HCRT: variants seen among roughly 807,000 people sequenced by gnomAD.
The protein encoded by HCRT is hypocretin neuropeptide precursor, also known as hypocretin (orexin) neuropeptide.
Under a neutral mutation model 5.7 loss-of-function variants are expected in HCRT, and 5 were observed. The observed-to-expected ratio is 0.87, with a 90% CI of 0.45 to 1.83. The LOEUF is 1.83. Ranked by LOEUF, HCRT falls within the 40% of genes most tolerant of loss-of-function variation. HCRT has a pLI of 0.02. For missense variants in HCRT, 207 were observed against 191.8 expected, an observed-to-expected ratio of 1.08 and a Z score of -0.47; for synonymous variants, 114 against 99.0, an observed-to-expected ratio of 1.15 and a Z score of -0.90.
At chr17:42,185,012 T>C (rs2079926194) in intron 1 of HCRT, among the ~76,000 whole-genome samples, 1 of 152,202 alleles carries the variant, frequency 6.6e-6, no homozygotes, top group Non-Finnish European at 1.5e-5. Context: ...CTCCGTTGCT[T>C]TGAACCAGTT....
At chr17:42,185,119 T>C (rs1013245714) in intron 1 of HCRT, among the ~76,000 whole-genome samples, 1 of 152,158 alleles carries the variant, frequency 6.6e-6, no homozygotes, top group African/African-American at 2.4e-5. Context: ...TGACAAGAGA[T>C]GACAGGTGCA....
At position 42,184,061 on chromosome 17, in the gene HCRT, A is replaced by AT; in HGVS notation, c.*92dup. The AT allele has an allele frequency of 8.3e-7, 1 of 1,205,234 alleles. No homozygotes were observed. Among genetic ancestry groups the AT allele is most frequent in the Non-Finnish European group, 1.0e-6 (1 of 966,570 alleles). 74.7% of individuals were successfully genotyped at this position (1,205,234 alleles called of 1,614,324 possible). A position where few individuals can be genotyped will look rare whatever the true frequency, so the allele number is the denominator to read the frequency against. On this transcript the variant is annotated 3_prime_UTR_variant, in exon 2 of 2. Coordinates refer to ENST00000293330, the MANE Select transcript of HCRT (RefSeq NM_001524.1). ...ACAGGAACAGAGACCAGTCACACGA[A>AT]TGGAGACTCGTCTTTATTGCCTTTT...
chr17:42,185,441 C>T lies in HCRT; in HGVS notation c.-76G>A. The T allele has an allele frequency of 6.9e-7, 1 of 1,448,582 alleles. No individual in the cohort carries two copies. 89.7% of individuals were successfully genotyped at this position (1,448,582 alleles called of 1,614,324 possible). On this transcript the variant is annotated 5_prime_UTR_variant, in exon 1 of 2. Coordinates refer to ENST00000293330, the MANE Select transcript of HCRT (RefSeq NM_001524.1). Reference sequence around the variant, plus strand: ...GTTCAAAAAGCCAGGAACCTTGAGGCTGTCAATTGTGACCCACTCCCAGGG... The same window carrying T: ...GTTCAAAAAGCCAGGAACCTTGAGGTTGTCAATTGTGACCCACTCCCAGGG...
chr17:42,184,385 G>A lies in HCRT; in HGVS notation c.165C>T (p.Gly55=). ...GGATGCCGGCCGCGTGATTGCCCGCGCCGTGCAGCAGCTCGTAGAGGCGGC... is the reference window on the plus strand; with the variant it reads ...GGATGCCGGCCGCGTGATTGCCCGCACCGTGCAGCAGCTCGTAGAGGCGGC... ...CSCRLYELLH[G]AGNHAAGILT... is the part of the protein sequence containing the mutation. Residue 55 remains glycine (G), a synonymous_variant, in exon 2 of 2, where the codon GGC becomes GGT. Coordinates refer to ENST00000293330, the MANE Select transcript of HCRT (RefSeq NM_001524.1). The A allele has an allele frequency of 4.4e-6, 7 of 1,599,114 alleles. No homozygotes were observed. The highest frequency in any genetic ancestry group is 5.9e-6 in the Non-Finnish European group (7 of 1,176,786).
chr17:42,184,206 C>T lies in HCRT; in HGVS notation c.344G>A (p.Cys115Tyr), dbSNP rs565917657. 63 of 1,303,724 alleles carry T rather than the reference C, an allele frequency of 4.8e-5. No individual in the cohort carries two copies. The highest frequency in any genetic ancestry group is 1.3e-4 in the Admixed American group (3 of 23,854). 80.8% of individuals were successfully genotyped at this position (1,303,724 alleles called of 1,614,324 possible). ...PAPRPCLGRRCSAPAAASVAP... is the reference protein window; with the variant it reads ...PAPRPCLGRRYSAPAAASVAP... ...GACGGAGGCGGCGGCCGGGGCGGAA[C>T]AGCGGCGCCCGAGGCAGGGGCGCGG... is the stretch of plus-strand genomic sequence containing the variant. The change falls in exon 2 of 2, where the codon TGT (cysteine) becomes TAT (tyrosine). Residue 115 changes from cysteine to tyrosine, a missense_variant. By Grantham distance (194) the Cys-to-Tyr change is radical. Transcript: ENST00000293330.
chr17:42,184,753 C>A (rs1047667375), intron 1 of HCRT, among the ~76,000 whole-genome samples: 4 of 152,214 alleles, frequency 2.6e-5, no homozygotes, highest in African/African-American at 4.8e-5. Context: ...CCTTTTGAGA[C>A]CCCCTGGGCA....
In HCRT at chr17:42,185,406, G is replaced by A; in HGVS notation, c.-41C>T. On this transcript the variant is annotated 5_prime_UTR_variant, in exon 1 of 2. Transcript: ENST00000293330. ...GGGTGGGGTAGCCGGGAAAGGAGAT[G>A]TCTGTGGTGGTTCAAAAAGCCAGGA... 1 of 1,607,928 alleles carries A rather than the reference G, an allele frequency of 6.2e-7. No individual in the cohort carries two copies. Among genetic ancestry groups the A allele is most frequent in the Non-Finnish European group, 8.5e-7 (1 of 1,174,318 alleles).
chr17:42,184,346 C>T lies in HCRT; in HGVS notation c.204G>A (p.Lys68=). Reference sequence around the variant, plus strand: ...GGAGGCCCGGGGGCCCGGACCTCCGCTTGCCCAGCGTGAGGATGCCGGCCG... The same window carrying T: ...GGAGGCCCGGGGGCCCGGACCTCCGTTTGCCCAGCGTGAGGATGCCGGCCG... The part of the protein sequence containing the change: ...NHAAGILTLG[K]RRSGPPGLQG... Residue 68 remains lysine (K), a synonymous_variant, in exon 2 of 2, where the codon AAG becomes AAA. Coordinates refer to ENST00000293330, the MANE Select transcript of HCRT (RefSeq NM_001524.1). 6.3e-7 allele frequency: 1 copy of T among 1,580,118 alleles called. No homozygotes were observed. The highest frequency in any genetic ancestry group is 8.6e-7 in the Non-Finnish European group (1 of 1,168,566).
Position 42,184,483 on chromosome 17 carries a change from G to T in HCRT, c.67C>A (p.Pro23Thr). ...VTLLLLLLLL[P>T]PALLSSGAAA... ...GCCCCGGACGACAACAGCGCGGGCG[G>T]CAGCAGCAGCAGCAGCAGCAGTAGC... is the stretch of plus-strand genomic sequence containing the variant. Residue 23 changes from proline (P) to threonine (T), a missense_variant, in exon 2 of 2, where the codon CCG becomes ACG. Transcript: ENST00000293330. 1 of 1,442,836 alleles carries T rather than the reference G, an allele frequency of 6.9e-7. No homozygotes were observed. The highest frequency in any genetic ancestry group is 9.2e-7 in the Non-Finnish European group (1 of 1,086,438). 89.4% of individuals were successfully genotyped at this position (1,442,836 alleles called of 1,614,324 possible).
intron 1 of HCRT, 140 bp downstream of exon 1, chr17:42,185,205 G>C (rs958300095): frequency 1.3e-5 from 10 of 786,906 alleles, no homozygotes; most frequent in Non-Finnish European, 2.2e-6. Context: ...TGTGAGCCAA[G>C]GCAGGTGCTC....
intron 1 of HCRT, 144 bp from the exon 2 acceptor site, chr17:42,184,672 C>A: frequency 5.5e-6 from 7 of 1,278,610 alleles, no homozygotes; most frequent in Non-Finnish European, 4.1e-6. Flanking sequence ...CCTTGCTTTG[C>A]GCCCTTGCTG....
rs915873142 is a variant in HCRT, at chr17:42,184,157, G to T, written c.393C>A (p.Ile131=). The T allele has an allele frequency of 1.6e-6, 2 of 1,286,812 alleles. No individual in the cohort carries two copies. The highest frequency in any genetic ancestry group is 3.1e-5 in the African/African-American group (2 of 64,416). The allele number at this position is 1,286,812 out of a possible 1,614,324, so 79.7% of individuals were successfully genotyped here. A position where few individuals can be genotyped will look rare whatever the true frequency, so the allele number is the denominator to read the frequency against. ...AGGACAGGGCCCGAAGAACGACTCA[G>T]ATCCCGGACTGTCCTCCGGGCGCGA... ...ASVAPGGQSG[I] The change falls in exon 2 of 2, where the codon ATC becomes ATA. Residue 131 remains isoleucine, a synonymous_variant. Coordinates refer to ENST00000293330, the MANE Select transcript of HCRT (RefSeq NM_001524.1).
intron 1 of HCRT, 49 bp from the exon 2 acceptor site, chr17:42,184,577 C>A (rs895687666): frequency 1.6e-5 from 24 of 1,474,400 alleles, no homozygotes; most frequent in Non-Finnish European, 2.1e-5. Flanking sequence ...ACGGCGCCCG[C>A]CACCAGCTCC....
intron 1 of HCRT, among the ~76,000 whole-genome samples, chr17:42,184,883 C>T (rs558512016): frequency 6.6e-6 from 1 of 152,116 alleles, no homozygotes; most frequent in South Asian, 2.1e-4. Context: ...GGGAAAAACC[C>T]GGGCCCTACT....
rs1598282482 is a variant in HCRT at position 42,184,407 on chromosome 17, C to T, written c.143G>A (p.Arg48His). Residue 48 changes from arginine to histidine, a missense_variant, in exon 2 of 2, where the codon CGC becomes CAC. Transcript: ENST00000293330. ...CGCGCCGTGCAGCAGCTCGTAGAGG[C>T]GGCAAGAGCAAGTCTTTTGACGACA... ...DCCRQKTCSCRLYELLHGAGN... is the reference protein window; with the variant it reads ...DCCRQKTCSCHLYELLHGAGN... The T allele has an allele frequency of 6.2e-7, 1 of 1,602,034 alleles. No homozygotes were observed.
rs751055326 is a variant in HCRT, at chr17:42,185,375, C to T, written c.-10G>A. On this transcript the variant is annotated 5_prime_UTR_variant, in exon 1 of 2. Transcript: ENST00000293330. The stretch of plus-strand genomic sequence containing the variant: ...TGGAAGGAAGGTTCATGGTGTCTGG[C>T]GCTCAGGGTGGGGTAGCCGGGAAAG... The T allele has an allele frequency of 7.4e-6, 12 of 1,613,820 alleles. No homozygotes were observed. Among genetic ancestry groups the T allele is most frequent in the African/African-American group, 1.3e-5 (1 of 74,896 alleles).
chr17:42,184,666 G>T, intron 1 of HCRT, 138 bp from the exon 2 acceptor site: 2 of 1,302,804 alleles, frequency 1.5e-6, no homozygotes, highest in Non-Finnish European at 2.0e-6. Flanking sequence ...AGTTCTCCTT[G>T]CTTTGCGCCC....
At position 42,184,297 on chromosome 17, in the gene HCRT, GC is replaced by G; in HGVS notation, c.252del (p.Gln85ArgfsTer11). On this transcript the variant is annotated frameshift_variant, in exon 2 of 2. Transcript: ENST00000293330. LOFTEE classifies it low-confidence loss of function (END_TRUNC). ...PGLQGRLQRLLQASGNHAAGI... is the reference protein window; with the variant it reads ...PGLQGRLQRLXQASGNHAAGI... Reference sequence around the variant, plus strand: ...CCCGCGGCGTGGTTGCCGCTGGCCTGCAGGAGGCGCTGCAGCCGACCCTGGA... The same window carrying G: ...CCCGCGGCGTGGTTGCCGCTGGCCTGAGGAGGCGCTGCAGCCGACCCTGGA... 1 of 1,510,044 alleles carries G rather than the reference GC, an allele frequency of 6.6e-7. No homozygotes were observed. The highest frequency in any genetic ancestry group is 1.2e-5 in the South Asian group (1 of 81,504). The allele number at this position is 1,510,044 out of a possible 1,614,324, so 93.5% of individuals were successfully genotyped here.
rs1487079388 is a variant in HCRT, at chr17:42,185,433, C to T, written c.-68G>A. On this transcript the variant is annotated 5_prime_UTR_variant, in exon 1 of 2. Transcript: ENST00000293330. ...CTGTGGTGGTTCAAAAAGCCAGGAA[C>T]CTTGAGGCTGTCAATTGTGACCCAC... The T allele has an allele frequency of 9.3e-6, 14 of 1,506,626 alleles. No individual in the cohort carries two copies. The highest frequency in any genetic ancestry group is 1.3e-5 in the Non-Finnish European group (14 of 1,082,410). 93.3% of individuals were successfully genotyped at this position (1,506,626 alleles called of 1,614,324 possible).
Sources: allele counts gnomAD v4.1 joint callset (sites outside exome capture counted in the v4.1 genomes callset), GRCh38; gene constraint gnomAD v4.1.1; transcripts MANE v1.5; gene names NCBI Gene and HGNC (gene_info 2026-07-23, HGNC 2026-07-21).